Variants in DNAAF4 observed in about 807,000 individuals in gnomAD.
The protein encoded by DNAAF4 is dynein axonemal assembly factor 4, also known as dynein assembly factor 4, axonemal.
DNAAF4 carries 43 observed loss-of-function variants against 51.8 expected under a neutral mutation model. The ratio of observed to expected loss-of-function variants is 0.83; its 90% confidence interval spans 0.65 to 1.07. The LOEUF is 1.07. DNAAF4 is among the 50% of genes least tolerant of loss of function. The pLI, the probability that DNAAF4 is intolerant of heterozygous loss-of-function variation, is 0.00. For synonymous variants in DNAAF4, 194 were observed against 165.6 expected, an observed-to-expected ratio of 1.17 and a Z score of -1.32; for missense variants, 581 against 493.0, an observed-to-expected ratio of 1.18 and a Z score of -1.69.
intron 9 of DNAAF4, among the ~76,000 whole-genome samples, chr15:55,432,171 G>T (rs1253302572): frequency 6.6e-6 from 1 of 151,292 alleles, no homozygotes; most frequent in South Asian, 2.1e-4. Flanking sequence ...GGCTGGTCTC[G>T]AACTCCCGAC....
Position 55,439,512 on chromosome 15 carries a change from C to A in DNAAF4, c.853G>T (p.Glu285Ter). 6.2e-7 allele frequency: 1 copy of A among 1,614,078 alleles called. No individual in the cohort carries two copies. Among genetic ancestry groups the A allele is most frequent in the Non-Finnish European group, 8.5e-7 (1 of 1,179,986 alleles). ...TDIAELCDLKEEEKNPEWLKD... is the reference protein window; with the variant it reads ...TDIAELCDLK ...AACCATTCTGGGTTCTTTTCTTCTT[C>A]TTTTAAATCGCAAAGTTCAGCTATG... Residue 285 changes from glutamate (E) to a stop codon, truncating the protein, a stop_gained, in exon 7 of 10, where the codon GAA becomes TAA. Transcript: ENST00000321149. LOFTEE classifies it high-confidence loss of function.
At chr15:55,470,067 T>TAC (rs746703231) in intron 4 of DNAAF4, among the ~76,000 whole-genome samples, 1 of 150,222 alleles carries the variant, frequency 6.7e-6, no homozygotes, top group East Asian at 1.9e-4. Flanking sequence ...TTTTTTTTTT[T>TAC]CTGAGACGGA....
intron 6 of DNAAF4, chr15:55,443,088 G>A (rs2057739744): frequency 6.2e-7 from 1 of 1,610,608 alleles, no homozygotes; most frequent in Non-Finnish European, 8.5e-7. Flanking sequence ...GGGTTTTAAA[G>A]TCTTGAATCC....
chr15:55,492,563 C>T (rs565215460), intron 3 of DNAAF4, among the ~76,000 whole-genome samples: 45 of 150,784 alleles, frequency 3.0e-4, no homozygotes, highest in South Asian at 1.0e-3. Context: ...TTTTTTGAGC[C>T]GGAGTCTTGC....
At chr15:55,421,937 TAA>T in intron 7 of DNAAF4, among the ~76,000 whole-genome samples, 1 of 138,204 alleles carries the variant, frequency 7.2e-6, no homozygotes, top group South Asian at 2.3e-4. Flanking sequence ...ATAATAATAA[TAA>T]TAATAAAGGT....
In DNAAF4 at chr15:55,498,513, C is replaced by T; in HGVS notation, c.-184G>A. On this transcript the variant is annotated 5_prime_UTR_variant, in exon 2 of 10. The change creates a premature stop within an existing upstream ORF in the 5' untranslated region. Transcript: ENST00000321149. ...TGCGTGACTATCCAGGCGCCCAGAC[C>T]AGAGAGTGATGCCGATTCTTGGGGT... 1 of 710,064 alleles carries T rather than the reference C, an allele frequency of 1.4e-6. No individual in the cohort carries two copies. Among genetic ancestry groups the T allele is most frequent in the Non-Finnish European group, 2.1e-6 (1 of 465,840 alleles). The allele number at this position is 710,064 out of a possible 1,614,324, so 44.0% of individuals were successfully genotyped here. A position where few individuals can be genotyped will look rare whatever the true frequency, so the allele number is the denominator to read the frequency against.
chr15:55,472,015 T>G (rs2058262907), intron 4 of DNAAF4, among the ~76,000 whole-genome samples: 1 of 151,974 alleles, frequency 6.6e-6, no homozygotes, highest in East Asian at 1.9e-4. Flanking sequence ...AATTTTTGTA[T>G]TTTTAGTAGA....
chr15:55,491,507 C>T (rs1428489967), intron 3 of DNAAF4, among the ~76,000 whole-genome samples: 2 of 150,664 alleles, frequency 1.3e-5, no homozygotes, highest in Non-Finnish European at 2.9e-5. Flanking sequence ...GGGAGGGACA[C>T]AAGAGGCAGG....
At chr15:55,448,826 C>T (rs1030190160) in intron 6 of DNAAF4, among the ~76,000 whole-genome samples, 2 of 150,330 alleles carry the variant, frequency 1.3e-5, no homozygotes, top group African/African-American at 2.4e-5. Context: ...GCGGAGACTG[C>T]GCCACTGCAC....
chr15:55,442,102 A>G (rs1361680719), intron 6 of DNAAF4, among the ~76,000 whole-genome samples: 1 of 152,022 alleles, frequency 6.6e-6, no homozygotes, highest in Non-Finnish European at 1.5e-5. Flanking sequence ...AACACATCCT[A>G]AGGAGACAGA....
chr15:55,494,067 T>G (rs963777598), intron 3 of DNAAF4, among the ~76,000 whole-genome samples: 1 of 151,762 alleles, frequency 6.6e-6, no homozygotes, highest in African/African-American at 2.4e-5. Context: ...TTCGCTCTTG[T>G]TGCCCAGGCT....
intron 5 of DNAAF4, among the ~76,000 whole-genome samples, chr15:55,462,286 G>A (rs1028292548): frequency 2.0e-5 from 3 of 148,912 alleles, no homozygotes; most frequent in South Asian, 2.1e-4. Flanking sequence ...CTCCATCTCC[G>A]GGTTTAAGCG....
chr15:55,424,035 A>G (rs2057409819), intron 7 of DNAAF4, among the ~76,000 whole-genome samples: 1 of 152,182 alleles, frequency 6.6e-6, no homozygotes, highest in Non-Finnish European at 1.5e-5. Flanking sequence ...GGTTGCAGTA[A>G]GCCTACATCA....
chr15:55,500,840 A>T (rs1484678016), intron 1 of DNAAF4, among the ~76,000 whole-genome samples: 1 of 151,728 alleles, frequency 6.6e-6, no homozygotes. Flanking sequence ...TAAAAATACA[A>T]AATTAGCCAG....
intron 4 of DNAAF4, among the ~76,000 whole-genome samples, chr15:55,471,795 G>C (rs967222738): frequency 2.0e-5 from 3 of 151,980 alleles, no homozygotes; most frequent in African/African-American, 7.3e-5. Context: ...TTACAGGCGT[G>C]AGCCACCACG....
chr15:55,444,250 C>T (rs1344335559), intron 6 of DNAAF4, among the ~76,000 whole-genome samples: 2 of 152,182 alleles, frequency 1.3e-5, no homozygotes, highest in Admixed American at 6.5e-5. Flanking sequence ...CCAGTTTCAG[C>T]TTTCTACATA....
At chr15:55,442,718 T>C (rs1403670715) in intron 6 of DNAAF4, 15 of 1,511,902 alleles carry the variant, frequency 9.9e-6, no homozygotes, top group Admixed American at 1.7e-5. Flanking sequence ...CTCTGAACAT[T>C]ACTGGAAACA....
intron 5 of DNAAF4, among the ~76,000 whole-genome samples, chr15:55,457,401 C>G (rs977849816): frequency 6.6e-6 from 1 of 152,146 alleles, no homozygotes; most frequent in Non-Finnish European, 1.5e-5. Context: ...ACAGCAAGCC[C>G]CACCCAAGGG....
chr15:55,477,241 C>T (rs1344819146), intron 4 of DNAAF4, among the ~76,000 whole-genome samples: 1 of 151,784 alleles, frequency 6.6e-6, no homozygotes, highest in Non-Finnish European at 1.5e-5. Context: ...ATACTTAATG[C>T]CATGGAACTG....
Sources: gnomAD v4.1 joint callset for allele counts (sites outside exome capture counted in the v4.1 genomes callset) on GRCh38, gnomAD v4.1.1 for gene constraint, MANE v1.5 for transcripts, NCBI Gene and HGNC (gene_info 2026-07-23, HGNC 2026-07-21) for gene names.